The following ENOX1 variants were observed in gnomAD, a reference collection of about 807,000 sequenced individuals.
ENOX1 encodes ecto-NOX disulfide-thiol exchanger 1, also known as candidate growth-related and time keeping constitutive hydroquinone (NADH) oxidase.
ENOX1 carries 42 observed loss-of-function variants against 82.5 expected under a neutral mutation model. The ratio of observed to expected loss-of-function variants is 0.51; its 90% confidence interval spans 0.40 to 0.66. ENOX1 has a LOEUF of 0.66. Among genes scored for constraint, ENOX1 ranks in the 30% least tolerant of loss-of-function variants. The pLI is 0.00. For synonymous variants in ENOX1, 271 were observed against 282.2 expected, an observed-to-expected ratio of 0.96 and a Z score of 0.40; for missense variants, 608 against 811.6, an observed-to-expected ratio of 0.75 and a Z score of 3.05.
intron 2 of ENOX1, among the ~76,000 whole-genome samples, chr13:43,522,495 G>A (rs546161904): frequency 6.6e-6 from 1 of 152,220 alleles, no homozygotes; most frequent in Admixed American, 6.5e-5. Context: ...AATGAAGTGA[G>A]TTGCTAAAGT....
intron 2 of ENOX1, among the ~76,000 whole-genome samples, chr13:43,579,214 A>G (rs2080588907): frequency 6.6e-6 from 1 of 152,214 alleles, no homozygotes; most frequent in Non-Finnish European, 1.5e-5. Flanking sequence ...AATGAGGAAG[A>G]ATGGTGGCTT....
chr13:43,674,654 G>A (rs777976589), intron 1 of ENOX1, among the ~76,000 whole-genome samples: 24 of 152,190 alleles, frequency 1.6e-4, no homozygotes, highest in South Asian at 8.3e-4. Context: ...ATGATACTAC[G>A]AGTGGATACA....
intron 2 of ENOX1, among the ~76,000 whole-genome samples, chr13:43,558,181 G>A (rs2079524882): frequency 6.6e-6 from 1 of 152,188 alleles, no homozygotes; most frequent in African/African-American, 2.4e-5. Flanking sequence ...GGGAAGAACA[G>A]GACACATCTT....
intron 2 of ENOX1, among the ~76,000 whole-genome samples, chr13:43,603,509 G>GTATATCT (rs1555338230): frequency 6.6e-6 from 1 of 150,710 alleles, no homozygotes; most frequent in East Asian, 2.0e-4. Context: ...TCAGCATTAG[G>GTATATCT]TATATCTCCT....
chr13:43,484,712 T>C (rs1322852196), intron 2 of ENOX1, among the ~76,000 whole-genome samples: 1 of 152,234 alleles, frequency 6.6e-6, no homozygotes, highest in Non-Finnish European at 1.5e-5. Flanking sequence ...AGAGAACAGA[T>C]AATGCTGCAA....
chr13:43,539,931 T>A (rs1182600867), intron 2 of ENOX1, among the ~76,000 whole-genome samples: 3 of 152,182 alleles, frequency 2.0e-5, no homozygotes, highest in Non-Finnish European at 4.4e-5. Flanking sequence ...TTTTTTTTTA[T>A]TTAAGGTCTT....
chr13:43,371,206 T>C (rs1026826100), intron 5 of ENOX1, among the ~76,000 whole-genome samples: 16 of 152,342 alleles, frequency 1.1e-4, no homozygotes, highest in African/African-American at 3.4e-4. Context: ...GACAAGCTTA[T>C]GGTGCGGGAG....
chr13:43,381,473 A>AC (rs980726500), intron 5 of ENOX1, among the ~76,000 whole-genome samples: 1 of 143,156 alleles, frequency 7.0e-6, no homozygotes, highest in African/African-American at 2.9e-5. Context: ...CTATCTTATA[A>AC]AAAAAAAAAA....
intron 12 of ENOX1, among the ~76,000 whole-genome samples, chr13:43,272,839 T>C (rs2044767241): frequency 6.6e-6 from 1 of 152,182 alleles, no homozygotes; most frequent in African/African-American, 2.4e-5. Flanking sequence ...TATCCTGAAA[T>C]GCTTATTTAA....
At chr13:43,437,297 T>A (rs140805034) in intron 3 of ENOX1, among the ~76,000 whole-genome samples, 1 of 152,218 alleles carries the variant, frequency 6.6e-6, no homozygotes, top group East Asian at 1.9e-4. Flanking sequence ...CCTGACGTGG[T>A]GATGGGGGGA....
In ENOX1 at chr13:43,411,945, A is replaced by G. The variant is rs767580078; in HGVS notation, c.179T>C (p.Val60Ala). The change falls in exon 5 of 17, where the codon GTA becomes GCA. Residue 60 changes from valine to alanine, a missense_variant. Val to Ala is a moderately conservative substitution (Grantham distance 64, BLOSUM62 0). Transcript: ENST00000690772. ...TAMNNLGMVP[V>A]GLPGQQLVSD... The stretch of plus-strand genomic sequence containing the variant: ...CACGAGCTGCTGTCCAGGCAACCCT[A>G]CGGGAACCATGCCCAGGTTATTCAT... 2.5e-6 allele frequency: 4 copies of G among 1,614,184 alleles called. No homozygotes were observed. The highest frequency in any genetic ancestry group is 1.6e-4 in the Middle Eastern group (1 of 6,062).
At chr13:43,247,870 TATATATATA>T (rs1566329830) in intron 14 of ENOX1, among the ~76,000 whole-genome samples, 16 of 2,446 alleles carry the variant, frequency 6.5e-3, no homozygotes, top group Non-Finnish European at 0.01. Flanking sequence ...TATATATATA[TATATATATA>T]TATATTTTTT....
chr13:43,615,412 T>A (rs193062173), intron 2 of ENOX1, among the ~76,000 whole-genome samples: 7 of 152,140 alleles, frequency 4.6e-5, no homozygotes, highest in African/African-American at 1.4e-4. Context: ...CAGCATGGCA[T>A]GATGGAAACT....
chr13:43,678,311 G>A (rs1317438815), intron 1 of ENOX1, among the ~76,000 whole-genome samples: 1 of 152,014 alleles, frequency 6.6e-6, no homozygotes, highest in African/African-American at 2.4e-5. Context: ...TAAACTAATG[G>A]TACTTAGTCT....
chr13:43,405,130 G>A (rs941801202), intron 5 of ENOX1, among the ~76,000 whole-genome samples: 1 of 152,232 alleles, frequency 6.6e-6, no homozygotes, highest in Non-Finnish European at 1.5e-5. Context: ...AGTCCTGAGT[G>A]TATTTGTAAG....
intron 10 of ENOX1, among the ~76,000 whole-genome samples, chr13:43,324,974 C>T (rs887490207): frequency 6.6e-6 from 1 of 152,184 alleles, no homozygotes; most frequent in Non-Finnish European, 1.5e-5. Flanking sequence ...TCCTTTTAAT[C>T]ATGTTTGGTT....
chr13:43,359,263 C>A (rs574144393), intron 7 of ENOX1, among the ~76,000 whole-genome samples: 1 of 152,174 alleles, frequency 6.6e-6, no homozygotes, highest in Admixed American at 6.5e-5. Context: ...AAAGGCCTTG[C>A]GGACAGACTC....
intron 3 of ENOX1, among the ~76,000 whole-genome samples, chr13:43,444,761 C>T (rs936024647): frequency 6.6e-6 from 1 of 151,906 alleles, no homozygotes; most frequent in African/African-American, 2.4e-5. Context: ...GTTCTACATA[C>T]AGAGTCAAGT....
chr13:43,494,891 CAATT>C (rs1201151855), intron 2 of ENOX1, among the ~76,000 whole-genome samples: 16 of 151,892 alleles, frequency 1.1e-4, no homozygotes, highest in African/African-American at 3.4e-4. Context: ...AAAATTCCAT[CAATT>C]AGATGAAATG....
Sources: gnomAD v4.1 joint callset for allele counts (sites outside exome capture counted in the v4.1 genomes callset) on GRCh38, gnomAD v4.1.1 for gene constraint, MANE v1.5 for transcripts, NCBI Gene and HGNC (gene_info 2026-07-23, HGNC 2026-07-21) for gene names.